CRACR2A: variants seen among roughly 807,000 people sequenced by gnomAD.
The protein encoded by CRACR2A is EF-hand calcium-binding domain-containing protein 4B.
In CRACR2A, 79 loss-of-function variants were observed where a neutral mutation model predicts 90.5. The observed-to-expected ratio is 0.87, with a 90% CI of 0.73 to 1.05. The LOEUF (loss-of-function observed/expected upper bound fraction) is 1.05. Among genes scored for constraint, CRACR2A ranks in the 50% least tolerant of loss-of-function variants. The pLI, the probability that CRACR2A is intolerant of heterozygous loss-of-function variation, is 0.00. For synonymous variants in CRACR2A, 338 were observed against 356.7 expected (o/e 0.95, Z 0.59); for missense variants, 823 against 897.2 (o/e 0.92, Z 1.06).
At chr12:3,696,505 C>T (rs957662077) in intron 4 of CRACR2A, among the ~76,000 whole-genome samples, 3 of 152,114 alleles carry the variant, frequency 2.0e-5, no homozygotes, top group Admixed American at 6.5e-5. Context: ...AAGTCCCTTA[C>T]GTTACTGTTA....
chr12:3,693,573 G>T (rs1945688986), intron 4 of CRACR2A, among the ~76,000 whole-genome samples: 1 of 152,190 alleles, frequency 6.6e-6, no homozygotes, highest in Admixed American at 6.5e-5. Flanking sequence ...ATGAAGCTCA[G>T]TTTGGCTGGA....
At chr12:3,723,020 CTG>C (rs1382260057) in intron 2 of CRACR2A, among the ~76,000 whole-genome samples, 1 of 152,202 alleles carries the variant, frequency 6.6e-6, no homozygotes, top group East Asian at 1.9e-4. Flanking sequence ...ACATCCAAAA[CTG>C]TATGTTCTCA....
chr12:3,703,877 C>T (rs1184679171), intron 3 of CRACR2A, among the ~76,000 whole-genome samples: 1 of 152,162 alleles, frequency 6.6e-6, no homozygotes, highest in African/African-American at 2.4e-5. Context: ...CAATGAAATA[C>T]CACTACACAC....
chr12:3,648,683 G>A (rs1944738733), intron 10 of CRACR2A, 70 bp from the exon 11 acceptor site: 5 of 1,554,806 alleles, frequency 3.2e-6, no homozygotes, highest in Non-Finnish European at 4.4e-6. Flanking sequence ...CCTCATGCTG[G>A]AGACCAGCAG....
chr12:3,722,674 T>C (rs1591712183), intron 2 of CRACR2A, among the ~76,000 whole-genome samples: 1 of 152,170 alleles, frequency 6.6e-6, no homozygotes, highest in African/African-American at 2.4e-5. Context: ...CTTGCCTTAT[T>C]AGAATAGCTA....
At position 3,627,687 on chromosome 12, in the gene CRACR2A, CT is replaced by C; in HGVS notation, c.1754del (p.Lys585ArgfsTer3). 1 of 1,551,806 alleles carries C rather than the reference CT, an allele frequency of 6.4e-7. No individual in the cohort carries two copies. Among genetic ancestry groups the C allele is most frequent in the Non-Finnish European group, 8.7e-7 (1 of 1,147,012 alleles). The part of the protein sequence containing the change: ...AATVGIDYRV[K>X]TLNVDNSQVA... The stretch of plus-strand genomic sequence containing the variant: ...CCTGAGAGTTGTCCACATTCAACGT[CT>C]TCACACGGTAATCAATGCCTGCAGG... On this transcript the variant is annotated frameshift_variant, in exon 16 of 20. Transcript: ENST00000440314. LOFTEE classifies it high-confidence loss of function.
chr12:3,629,150 A>G (rs899937045), intron 15 of CRACR2A, among the ~76,000 whole-genome samples: 1 of 152,132 alleles, frequency 6.6e-6, no homozygotes, highest in Non-Finnish European at 1.5e-5. Context: ...ACACATATGC[A>G]TATGTACTCA....
intron 1 of CRACR2A, among the ~76,000 whole-genome samples, chr12:3,737,639 A>G (rs1261973013): frequency 6.6e-6 from 1 of 152,032 alleles, no homozygotes; most frequent in African/African-American, 2.4e-5. Context: ...AGGTAAAGAG[A>G]TTCTAGAGCT....
At chr12:3,681,500 G>A (rs1945451061) in intron 4 of CRACR2A, among the ~76,000 whole-genome samples, 1 of 152,186 alleles carries the variant, frequency 6.6e-6, no homozygotes, top group Non-Finnish European at 1.5e-5. Flanking sequence ...ATGGCCCCAA[G>A]CCAAGGCTAA....
At chr12:3,738,196 G>C (rs1206081884) in intron 1 of CRACR2A, among the ~76,000 whole-genome samples, 1 of 152,168 alleles carries the variant, frequency 6.6e-6, no homozygotes, top group Non-Finnish European at 1.5e-5. Flanking sequence ...ATTATGGCAG[G>C]CTAAGTACCT....
chr12:3,738,909 T>C (rs1001284013), intron 1 of CRACR2A, among the ~76,000 whole-genome samples: 4 of 152,064 alleles, frequency 2.6e-5, no homozygotes, highest in African/African-American at 9.7e-5. Context: ...TTCTCATCAG[T>C]GATGAACAAG....
At chr12:3,745,304 G>T (rs1228418302) in intron 1 of CRACR2A, among the ~76,000 whole-genome samples, 1 of 152,068 alleles carries the variant, frequency 6.6e-6, no homozygotes, top group Non-Finnish European at 1.5e-5. Context: ...CTCCCCAATG[G>T]CAATTTCTGA....
chr12:3,656,900 C>T (rs757457027), intron 8 of CRACR2A, among the ~76,000 whole-genome samples: 1 of 152,220 alleles, frequency 6.6e-6, no homozygotes, highest in African/African-American at 2.4e-5. Flanking sequence ...AGGGCCATTT[C>T]CTCTTCCTCT....
intron 4 of CRACR2A, among the ~76,000 whole-genome samples, chr12:3,684,620 G>A (rs1466172467): frequency 3.9e-5 from 6 of 152,246 alleles, no homozygotes; most frequent in African/African-American, 1.2e-4. Flanking sequence ...GACCGAGGTA[G>A]AATGTTTACA....
intron 7 of CRACR2A, among the ~76,000 whole-genome samples, chr12:3,660,286 G>A (rs910259437): frequency 6.6e-6 from 1 of 152,174 alleles, no homozygotes. Flanking sequence ...AAGCAAAAGC[G>A]ACAATGTCTA....
rs1489261796 is a variant in CRACR2A, at chr12:3,638,464, C to T, written c.1272-10G>A. ...CTCCTCCTCTGACTGGCTACTGGGG[C>T]GGGGAAGAGAGAAGAGTTGGGAGGA... On this transcript the variant is annotated splice_polypyrimidine_tract_variant and intron_variant, in intron 13 of 19. Transcript: ENST00000440314. 1.4e-5 allele frequency: 22 copies of T among 1,524,358 alleles called. No homozygotes were observed. Among genetic ancestry groups the T allele is most frequent in the East Asian group, 4.9e-5 (2 of 40,494 alleles). The allele number at this position is 1,524,358 out of a possible 1,614,324, so 94.4% of individuals were successfully genotyped here.
At chr12:3,638,517 C>T (rs1030417874) in intron 13 of CRACR2A, 63 bp from the exon 14 acceptor site, 9 of 1,453,804 alleles carry the variant, frequency 6.2e-6, no homozygotes, top group Non-Finnish European at 8.2e-6. Flanking sequence ...ATACGGGCTG[C>T]ATAACAGCTT....
chr12:3,656,493 A>G (rs1346223283), intron 8 of CRACR2A, 87 bp from the exon 9 acceptor site: 5 of 1,160,780 alleles, frequency 4.3e-6, no homozygotes, highest in Non-Finnish European at 6.4e-6. Context: ...GAACCTACTC[A>G]ACATCAGGGC....
intron 2 of CRACR2A, among the ~76,000 whole-genome samples, chr12:3,715,433 T>C (rs181555795): frequency 2.6e-5 from 4 of 152,288 alleles, no homozygotes; most frequent in Admixed American, 2.6e-4. Context: ...GGGTGTATGT[T>C]TTGGATGCCT....
Sources: gnomAD v4.1 joint callset for allele counts (sites outside exome capture counted in the v4.1 genomes callset) on GRCh38, gnomAD v4.1.1 for gene constraint, MANE v1.5 for transcripts, NCBI Gene and HGNC (gene_info 2026-07-23, HGNC 2026-07-21) for gene names.